Variants in CMTM8 observed in about 807,000 individuals in gnomAD.
CMTM8 encodes the protein CKLF like MARVEL transmembrane domain containing 8.
In CMTM8, 12 loss-of-function variants were observed where a neutral mutation model predicts 18.6. The observed-to-expected ratio is 0.65, with a 90% CI of 0.41 to 1.05. The LOEUF (loss-of-function observed/expected upper bound fraction) is 1.05. Ranked by LOEUF, CMTM8 falls within the 50% of genes least tolerant of loss-of-function variation. CMTM8 has a pLI of 0.00. For missense variants in CMTM8, 217 were observed against 227.2 expected, an observed-to-expected ratio of 0.95 and a Z score of 0.29; for synonymous variants, 87 against 90.6, an observed-to-expected ratio of 0.96 and a Z score of 0.23.
intron 1 of CMTM8, among the ~76,000 whole-genome samples, chr3:32,261,515 C>A (rs1168102634): frequency 2.6e-5 from 4 of 152,128 alleles, no homozygotes; most frequent in Non-Finnish European, 5.9e-5. Context: ...AGGGTTAAAT[C>A]TAAAATTTGA....
intron 1 of CMTM8, among the ~76,000 whole-genome samples, chr3:32,283,626 A>T (rs1702637384): frequency 6.6e-6 from 1 of 152,158 alleles, no homozygotes. Flanking sequence ...ACATAGCAGG[A>T]TGTTTACTGT....
At chr3:32,301,988 C>T (rs938024378) in intron 1 of CMTM8, among the ~76,000 whole-genome samples, 15 of 150,154 alleles carry the variant, frequency 1.0e-4, no homozygotes, top group African/African-American at 3.2e-4. Flanking sequence ...AAATTCCTTT[C>T]GGTGGAATTA....
chr3:32,307,311 A>G (rs1695732924), intron 1 of CMTM8, among the ~76,000 whole-genome samples: 2 of 152,230 alleles, frequency 1.3e-5, no homozygotes, highest in African/African-American at 4.8e-5. Context: ...ACTGCACTCC[A>G]GCCTGACCGA....
intron 2 of CMTM8, among the ~76,000 whole-genome samples, chr3:32,366,401 A>T (rs1004327222): frequency 6.6e-6 from 1 of 152,190 alleles, no homozygotes; most frequent in Non-Finnish European, 1.5e-5. Flanking sequence ...CCCCTCGTCC[A>T]CATGGGCTCG....
intron 1 of CMTM8, chr3:32,259,345 G>A: frequency 1.3e-6 from 1 of 751,518 alleles, no homozygotes; most frequent in South Asian, 1.4e-5. Flanking sequence ...TCAAAGACCT[G>A]AGGGCTCAGG....
chr3:32,258,996 C>A, intron 1 of CMTM8: 1 of 350,254 alleles, frequency 2.9e-6, no homozygotes, highest in Non-Finnish European at 5.5e-6. Flanking sequence ...TGGGCTCTGT[C>A]CAGGGGCCCA....
intron 1 of CMTM8, among the ~76,000 whole-genome samples, chr3:32,262,369 G>T (rs1169788662): frequency 2.6e-5 from 4 of 152,154 alleles, no homozygotes; most frequent in African/African-American, 9.7e-5. Flanking sequence ...CTACATCATT[G>T]TGTGGAACCT....
At position 32,367,882 on chromosome 3, in the gene CMTM8, T is replaced by C; in HGVS notation, c.332T>C (p.Phe111Ser). Residue 111 changes from phenylalanine to serine, a missense_variant, in exon 3 of 4, where the codon TTT becomes TCT. Physicochemically the swap from Phe to Ser is radical, Grantham distance 155 (BLOSUM62 -2). Coordinates refer to ENST00000307526, the MANE Select transcript of CMTM8 (RefSeq NM_178868.5). ...QVPWTTVGLC[F>S]NGSAFVLYLS... is the part of the protein sequence containing the mutation. ...CCTGTGTCCCCCCAGGGCCTGTGCTTTAACGGCAGTGCCTTCGTCTTGTAC... is the reference window on the plus strand; with the variant it reads ...CCTGTGTCCCCCCAGGGCCTGTGCTCTAACGGCAGTGCCTTCGTCTTGTAC... 5 of 1,613,562 alleles carry C rather than the reference T, an allele frequency of 3.1e-6. No individual in the cohort carries two copies. Among genetic ancestry groups the C allele is most frequent in the Non-Finnish European group, 4.2e-6 (5 of 1,179,626 alleles).
intron 1 of CMTM8, among the ~76,000 whole-genome samples, chr3:32,302,147 A>T (rs761374519): frequency 1.3e-5 from 2 of 151,944 alleles, no homozygotes; most frequent in Non-Finnish European, 2.9e-5. Context: ...AAAAAAAAAA[A>T]ATTTAATTAG....
chr3:32,286,196 A>G (rs1702683252), intron 1 of CMTM8, among the ~76,000 whole-genome samples: 1 of 152,250 alleles, frequency 6.6e-6, no homozygotes, highest in Non-Finnish European at 1.5e-5. Flanking sequence ...AGCCAGAGAC[A>G]ATCGGTACAT....
chr3:32,278,891 C>A (rs1702559606), intron 1 of CMTM8, among the ~76,000 whole-genome samples: 1 of 152,132 alleles, frequency 6.6e-6, no homozygotes, highest in African/African-American at 2.4e-5. Flanking sequence ...TAGTCACAGC[C>A]TGTACAGCTG....
intron 1 of CMTM8, among the ~76,000 whole-genome samples, chr3:32,253,238 A>T (rs1190057707): frequency 1.3e-5 from 2 of 152,142 alleles, no homozygotes; most frequent in African/African-American, 4.8e-5. Flanking sequence ...CTATGTGCAT[A>T]TGTAAAATCA....
At chr3:32,320,144 T>C (rs1696015116) in intron 1 of CMTM8, among the ~76,000 whole-genome samples, 1 of 152,296 alleles carries the variant, frequency 6.6e-6, no homozygotes, top group South Asian at 2.1e-4. Context: ...TTAAGAGAAA[T>C]GAAAACATAT....
intron 1 of CMTM8, among the ~76,000 whole-genome samples, chr3:32,257,702 A>G (rs35531732): frequency 0.12 from 18,617 of 151,824 alleles, 1,315 homozygotes; most frequent in African/African-American, 0.19. Context: ...TTGTTTACCG[A>G]GAGACCACTT....
At chr3:32,270,147 C>T (rs1382152534) in intron 1 of CMTM8, among the ~76,000 whole-genome samples, 3 of 152,152 alleles carry the variant, frequency 2.0e-5, no homozygotes, top group African/African-American at 7.2e-5. Context: ...GTCTCAAACT[C>T]TGGGCCTCAA....
At chr3:32,296,556 C>T (rs1490872480) in intron 1 of CMTM8, among the ~76,000 whole-genome samples, 4 of 152,202 alleles carry the variant, frequency 2.6e-5, no homozygotes, top group African/African-American at 4.8e-5. Context: ...AGGCAAGCAA[C>T]AGGTCCTGCT....
intron 1 of CMTM8, among the ~76,000 whole-genome samples, chr3:32,301,082 A>G (rs777248084): frequency 3.3e-5 from 5 of 152,180 alleles, no homozygotes; most frequent in African/African-American, 4.8e-5. Context: ...ATTTTTGTCC[A>G]GTTAAGATGG....
intron 1 of CMTM8, among the ~76,000 whole-genome samples, chr3:32,295,479 C>CAAAAAAAAAAAA (rs58774314): frequency 2.4e-5 from 2 of 82,494 alleles, no homozygotes; most frequent in African/African-American, 5.2e-5. Context: ...AAAAAAAAAA[C>CAAAAAAAAAAAA]AAAACAAAAC....
intron 1 of CMTM8, among the ~76,000 whole-genome samples, chr3:32,304,624 A>G (rs17029181): frequency 0.093 from 14,099 of 152,280 alleles, 1,061 homozygotes; most frequent in East Asian, 0.42. Context: ...TGGAGTTAGT[A>G]GCCTGCAATG....
Sources: gnomAD v4.1 joint callset for allele counts (sites outside exome capture counted in the v4.1 genomes callset) on GRCh38, gnomAD v4.1.1 for gene constraint, MANE v1.5 for transcripts, NCBI Gene and HGNC (gene_info 2026-07-23, HGNC 2026-07-21) for gene names.